FOLH1: variants seen among roughly 807,000 people sequenced by gnomAD.
FOLH1 encodes glutamate carboxypeptidase 2.
FOLH1 carries 54 observed loss-of-function variants against 93.9 expected under a neutral mutation model. The observed-to-expected ratio is 0.57, with a 90% CI of 0.46 to 0.72. The LOEUF (loss-of-function observed/expected upper bound fraction) is 0.72, where lower values mean the gene tolerates loss of function less well. FOLH1 is among the 30% of genes least tolerant of loss of function. FOLH1 has a pLI of 0.00. For synonymous variants in FOLH1, 249 were observed against 303.6 expected (o/e 0.82, Z 1.87); for missense variants, 571 against 892.5 (o/e 0.64, Z 4.59).
At chr11:49,166,177 A>G (rs1858384740) in intron 12 of FOLH1, among the ~76,000 whole-genome samples, 1 of 152,208 alleles carries the variant, frequency 6.6e-6, no homozygotes, top group Admixed American at 6.5e-5. Context: ...TGATATGGAA[A>G]GTTTTTCATA....
At chr11:49,178,727 A>T (rs1342783412) in intron 7 of FOLH1, among the ~76,000 whole-genome samples, 2 of 152,186 alleles carry the variant, frequency 1.3e-5, no homozygotes, top group Non-Finnish European at 2.9e-5. Flanking sequence ...TAAAATTTCA[A>T]ACCACAAAAA....
At chr11:49,198,202 G>A (rs1026382350) in intron 3 of FOLH1, among the ~76,000 whole-genome samples, 1 of 151,830 alleles carries the variant, frequency 6.6e-6, no homozygotes, top group African/African-American at 2.4e-5. Context: ...CGACAACATA[G>A]CAAGACCCCA....
In FOLH1 at chr11:49,208,335, C is replaced by A; in HGVS notation, c.75G>T (p.Ala25=). 2 of 1,595,512 alleles carry A rather than the reference C, an allele frequency of 1.3e-6. No homozygotes were observed. The highest frequency in any genetic ancestry group is 1.1e-5 in the South Asian group (1 of 88,892). Residue 25 remains alanine (A), a synonymous_variant, in exon 1 of 19, where the codon GCG becomes GCT. Coordinates refer to ENST00000256999, the MANE Select transcript of FOLH1 (RefSeq NM_004476.3). Reference sequence around the variant, plus strand: ...GAAAGAAGCCACCCGCCAGCACCAGCGCCCCAGCGCACAGCCAGCGCGGGC... The same window carrying A: ...GAAAGAAGCCACCCGCCAGCACCAGAGCCCCAGCGCACAGCCAGCGCGGGC... The part of the protein sequence containing the change: ...ARRPRWLCAG[A]LVLAGGFFLL...
chr11:49,185,919 A>G (rs1861310998), intron 5 of FOLH1, 64 bp from the exon 6 acceptor site: 1 of 1,485,572 alleles, frequency 6.7e-7, no homozygotes, highest in East Asian at 2.4e-5. Context: ...GGTAATATCA[A>G]TTTTCAATAT....
At chr11:49,171,930 T>C (rs1358093699) in intron 10 of FOLH1, among the ~76,000 whole-genome samples, 2 of 151,748 alleles carry the variant, frequency 1.3e-5, no homozygotes, top group African/African-American at 4.8e-5. Flanking sequence ...CTACTAAACT[T>C]CCATTTCTTC....
At chr11:49,205,144 C>A (rs528554551) in intron 2 of FOLH1, among the ~76,000 whole-genome samples, 1 of 151,764 alleles carries the variant, frequency 6.6e-6, no homozygotes, top group Non-Finnish European at 1.5e-5. Context: ...GCGGAGGTTA[C>A]AGTGAGCTGA....
chr11:49,154,027 T>G (rs1856745426), intron 16 of FOLH1, 100 bp from the exon 17 acceptor site: 1 of 1,322,842 alleles, frequency 7.6e-7, no homozygotes. Flanking sequence ...GCCATCATCT[T>G]TTGTGTTTTA....
At chr11:49,180,500 G>A (rs1334226678) in intron 7 of FOLH1, among the ~76,000 whole-genome samples, 1 of 152,062 alleles carries the variant, frequency 6.6e-6, no homozygotes. Flanking sequence ...GCATTCTTCG[G>A]CCATTATATG....
chr11:49,147,902 G>T (rs1855963426), intron 18 of FOLH1, among the ~76,000 whole-genome samples: 1 of 151,980 alleles, frequency 6.6e-6, no homozygotes, highest in Admixed American at 6.6e-5. Context: ...ACTCTAGCCT[G>T]GGAGACAGAG....
rs1856078418 is a variant in FOLH1 at position 49,148,825 on chromosome 11, C to A, written c.1971-94G>T. ...AGAACAAAACTGAATTTAGTTATCT[C>A]CGGGGATTGGTTTCAGGACCACCCT... On this transcript the variant is annotated intron_variant, in intron 17 of 18. Coordinates refer to ENST00000256999, the MANE Select transcript of FOLH1 (RefSeq NM_004476.3). 1.6e-5 allele frequency: 18 copies of A among 1,117,254 alleles called. No individual in the cohort carries two copies. In the South Asian group the frequency reaches 3.7e-4, roughly 23 times the overall value. 69.2% of individuals were successfully genotyped at this position (1,117,254 alleles called of 1,614,324 possible).
In FOLH1 at chr11:49,186,506, T is replaced by C. The variant is rs914424243; in HGVS notation, c.639+138A>G. 10 of 1,028,148 alleles carry C rather than the reference T, an allele frequency of 9.7e-6. No homozygotes were observed. The Admixed American group carries it at 2.3e-4, about 23-fold the overall frequency. The allele number at this position is 1,028,148 out of a possible 1,614,324, so 63.7% of individuals were successfully genotyped here. ...GATATAACCTAGTAAATGTGTCCTC[T>C]CTGTAAGGTGGGCATGTCACAGAAT... On this transcript the variant is annotated intron_variant, in intron 5 of 18. Transcript: ENST00000256999.
At chr11:49,180,933 T>A (rs1860652501) in intron 7 of FOLH1, among the ~76,000 whole-genome samples, 1 of 152,058 alleles carries the variant, frequency 6.6e-6, no homozygotes, top group Non-Finnish European at 1.5e-5. Flanking sequence ...AGATGAATTG[T>A]GTTTGTTATT....
At chr11:49,150,728 A>C (rs897207217) in intron 17 of FOLH1, among the ~76,000 whole-genome samples, 4 of 152,192 alleles carry the variant, frequency 2.6e-5, no homozygotes, top group African/African-American at 9.6e-5. Context: ...TATTATAATA[A>C]GAATGATTCA....
intron 7 of FOLH1, among the ~76,000 whole-genome samples, chr11:49,179,712 ACT>A (rs1252565795): frequency 5.9e-5 from 9 of 152,174 alleles, no homozygotes. Flanking sequence ...ACTAAACTAA[ACT>A]CTAAAGCATA....
At chr11:49,170,098 C>T (rs1366287056) in intron 11 of FOLH1, among the ~76,000 whole-genome samples, 1 of 151,646 alleles carries the variant, frequency 6.6e-6, no homozygotes, top group East Asian at 1.9e-4. Context: ...ATGAAAGGAG[C>T]CAGTAAATAT....
intron 17 of FOLH1, among the ~76,000 whole-genome samples, chr11:49,150,813 C>T (rs1035158391): frequency 1.2e-4 from 18 of 152,156 alleles, no homozygotes; most frequent in Admixed American, 2.6e-4. Flanking sequence ...CCAATTATTT[C>T]ACAATTTAAT....
chr11:49,190,704 T>G (rs146776202), intron 4 of FOLH1, among the ~76,000 whole-genome samples: 1 of 152,318 alleles, frequency 6.6e-6, no homozygotes, highest in East Asian at 1.9e-4. Context: ...AACCACTAGA[T>G]AGACTATATT....
intron 12 of FOLH1, among the ~76,000 whole-genome samples, chr11:49,165,697 C>CA (rs1338069770): frequency 1.3e-5 from 2 of 152,198 alleles, no homozygotes; most frequent in Non-Finnish European, 2.9e-5. Context: ...ATGAAACACT[C>CA]AGAGGATGGC....
At chr11:49,207,609 T>C (rs1305457961) in intron 1 of FOLH1, among the ~76,000 whole-genome samples, 1 of 152,188 alleles carries the variant, frequency 6.6e-6, no homozygotes, top group Non-Finnish European at 1.5e-5. Context: ...GAGATTTACA[T>C]GCTATATTAT....
Sources: allele counts gnomAD v4.1 joint callset (sites outside exome capture counted in the v4.1 genomes callset), GRCh38; gene constraint gnomAD v4.1.1; transcripts MANE v1.5; gene names NCBI Gene and HGNC (gene_info 2026-07-23, HGNC 2026-07-21).